TNFRSF19: variants seen among roughly 807,000 people sequenced by gnomAD.
TNFRSF19 encodes the protein TNF receptor superfamily member 19.
Under a neutral mutation model 46.4 loss-of-function variants are expected in TNFRSF19, and 27 were observed. The ratio of observed to expected loss-of-function variants is 0.58; its 90% confidence interval spans 0.43 to 0.80. The LOEUF is 0.80. Among genes scored for constraint, TNFRSF19 ranks in the 30% least tolerant of loss-of-function variants. The pLI, the probability that TNFRSF19 is intolerant of heterozygous loss-of-function variation, is 0.00. For missense variants in TNFRSF19, 511 were observed against 530.8 expected, an observed-to-expected ratio of 0.96 and a Z score of 0.37; for synonymous variants, 204 against 205.0, an observed-to-expected ratio of 1.00 and a Z score of 0.04.
chr13:23,656,069 C>T (rs749607567), intron 5 of TNFRSF19, among the ~76,000 whole-genome samples: 4 of 152,160 alleles, frequency 2.6e-5, no homozygotes, highest in Non-Finnish European at 4.4e-5. Context: ...CATGAGCACT[C>T]TCTGAGGGTG....
intron 1 of TNFRSF19, among the ~76,000 whole-genome samples, chr13:23,578,870 C>T (rs1471607251): frequency 6.6e-6 from 1 of 152,340 alleles, no homozygotes; most frequent in Middle Eastern, 3.4e-3. Context: ...CTGCAGGAGG[C>T]GAACTCGGGC....
chr13:23,616,076 T>A (rs1881266666), intron 4 of TNFRSF19, 31 bp downstream of exon 4: 1 of 1,556,736 alleles, frequency 6.4e-7, no homozygotes. Flanking sequence ...CACTTGTAAT[T>A]ATTTAATTAA....
chr13:23,624,476 G>A (rs936688160), intron 4 of TNFRSF19, among the ~76,000 whole-genome samples: 61 of 151,772 alleles, frequency 4.0e-4, no homozygotes, highest in African/African-American at 1.5e-3. Flanking sequence ...ATGTATCTGG[G>A]CATTTGAGAT....
At chr13:23,669,231 G>A in intron 9 of TNFRSF19, 134 bp downstream of exon 9, 2 of 1,417,284 alleles carry the variant, frequency 1.4e-6, no homozygotes, top group Non-Finnish European at 1.8e-6. Flanking sequence ...GTATGTTGTA[G>A]AGTATGTTTT....
rs201927877 is a variant in TNFRSF19 at position 23,660,336 on chromosome 13, C to G, written c.611-29C>G. The G allele has an allele frequency of 5.6e-6, 9 of 1,603,938 alleles. No individual in the cohort carries two copies. The East Asian group carries it at 1.8e-4, about 32-fold the overall frequency. On this transcript the variant is annotated intron_variant, in intron 6 of 9. Transcript: ENST00000248484. ...GGTCCACTAGAGAGGAGACTGTGTTCCCTGACAGAGTTCTCACCCCTCATT... is the reference window on the plus strand; with the variant it reads ...GGTCCACTAGAGAGGAGACTGTGTTGCCTGACAGAGTTCTCACCCCTCATT...
At chr13:23,587,955 A>G (rs1566165921) in intron 1 of TNFRSF19, among the ~76,000 whole-genome samples, 1 of 152,214 alleles carries the variant, frequency 6.6e-6, no homozygotes, top group African/African-American at 2.4e-5. Flanking sequence ...GCGGCTGCCT[A>G]GATGCCTCCT....
chr13:23,626,829 C>G, intron 5 of TNFRSF19, 37 bp downstream of exon 5: 1 of 1,595,164 alleles, frequency 6.3e-7, no homozygotes, highest in East Asian at 2.2e-5. Flanking sequence ...CAAGGGGACG[C>G]CTGGCCTTTT....
At chr13:23,581,363 G>T (rs938814793) in intron 1 of TNFRSF19, among the ~76,000 whole-genome samples, 5 of 151,842 alleles carry the variant, frequency 3.3e-5, no homozygotes, top group African/African-American at 1.2e-4. Context: ...AGCCAGGATG[G>T]TCTCAATCTC....
chr13:23,576,226 C>T lies in TNFRSF19; in HGVS notation c.-35+5378C>T, dbSNP rs553168855. 5.3e-5 allele frequency among the ~76,000 whole-genome samples: 8 copies of T among 151,956 alleles called. No individual in the cohort carries two copies. In the South Asian group the frequency reaches 8.3e-4, roughly 16 times the overall value. On this transcript the variant is annotated intron_variant, in intron 1 of 9. Transcript: ENST00000248484. Reference sequence around the variant, plus strand: ...TTGGCTCACTGCAACCTCTGCCTCCCGGGTTCAAATAATTCTCCTGCCTCA... The same window carrying T: ...TTGGCTCACTGCAACCTCTGCCTCCTGGGTTCAAATAATTCTCCTGCCTCA...
intron 4 of TNFRSF19, among the ~76,000 whole-genome samples, chr13:23,616,789 G>A (rs1359528658): frequency 6.6e-6 from 1 of 152,058 alleles, no homozygotes; most frequent in African/African-American, 2.4e-5. Flanking sequence ...TCTCCATGTT[G>A]GTTGGTCTCA....
chr13:23,599,367 C>CA (rs1566175313), intron 3 of TNFRSF19, among the ~76,000 whole-genome samples: 1 of 152,060 alleles, frequency 6.6e-6, no homozygotes, highest in Non-Finnish European at 1.5e-5. Flanking sequence ...TATTCTGAGC[C>CA]AAAAATGTGT....
intron 1 of TNFRSF19, among the ~76,000 whole-genome samples, chr13:23,574,529 G>C (rs1263639548): frequency 6.6e-6 from 1 of 151,876 alleles, no homozygotes; most frequent in South Asian, 2.1e-4. Context: ...TTTCTGTCAG[G>C]ATGGCCATAA....
At chr13:23,651,893 T>TA (rs34023907) in intron 5 of TNFRSF19, among the ~76,000 whole-genome samples, 3,052 of 9,944 alleles carry the variant, frequency 0.31, 549 homozygotes, top group Non-Finnish European at 0.34. Context: ...CATAACATGC[T>TA]AAAAAAAAAA....
rs763199678 is a variant in TNFRSF19 at position 23,668,031 on chromosome 13, A to T, written c.788A>T (p.Asn263Ile). 8 of 1,610,394 alleles carry T rather than the reference A, an allele frequency of 5.0e-6. No homozygotes were observed. The East Asian group carries it at 1.8e-4, about 36-fold the overall frequency. The change falls in exon 8 of 10, where the codon AAC becomes ATC. Residue 263 changes from asparagine (N) to isoleucine (I), a missense_variant. Transcript: ENST00000248484. ...SMCCEEACSP[N>I]PATLGCGVHS... Reference sequence around the variant, plus strand: ...TGCTGTGAGGAGGCCTGCAGCCCCAACCCGGCGACTCTTGGTTGTGGGGTG... The same window carrying T: ...TGCTGTGAGGAGGCCTGCAGCCCCATCCCGGCGACTCTTGGTTGTGGGGTG...
At chr13:23,596,978 C>T (rs995523820) in intron 3 of TNFRSF19, among the ~76,000 whole-genome samples, 4 of 152,182 alleles carry the variant, frequency 2.6e-5, no homozygotes, top group African/African-American at 4.8e-5. Context: ...GGAAACTGAA[C>T]AACCTCCTGA....
intron 1 of TNFRSF19, among the ~76,000 whole-genome samples, chr13:23,581,871 C>T (rs1462831165): frequency 6.6e-6 from 1 of 152,106 alleles, no homozygotes; most frequent in Non-Finnish European, 1.5e-5. Context: ...AGCCAAAGCC[C>T]TTTTAAAACT....
At position 23,673,576 on chromosome 13, in the gene TNFRSF19, A is replaced by G; in HGVS notation, c.*196A>G. 1.6e-6 allele frequency: 2 copies of G among 1,257,054 alleles called. No individual in the cohort carries two copies. Among genetic ancestry groups the G allele is most frequent in the Non-Finnish European group, 2.0e-6 (2 of 996,200 alleles). 77.9% of individuals were successfully genotyped at this position (1,257,054 alleles called of 1,614,324 possible). ...CAGCTGTAAGCTGAAACCTCAATGA[A>G]TAACAAGAAAAGACTCCAGGCCGAC... On this transcript the variant is annotated 3_prime_UTR_variant, in exon 10 of 10. Transcript: ENST00000248484.
In TNFRSF19 at chr13:23,613,043, A is replaced by G. The variant is rs141785719; in HGVS notation, c.181-2824A>G. ...TGTTCCACTAAACTTGTTTTAATTAAGAAAATTATGATTTCTTTTTGAAAG... is the reference window on the plus strand; with the variant it reads ...TGTTCCACTAAACTTGTTTTAATTAGGAAAATTATGATTTCTTTTTGAAAG... On this transcript the variant is annotated intron_variant, in intron 3 of 9. Coordinates refer to ENST00000248484, the MANE Select transcript of TNFRSF19 (RefSeq NM_148957.4). Among the ~76,000 whole-genome samples, 407 of 152,352 alleles carry G rather than the reference A, an allele frequency of 2.7e-3. 1 individual carries two copies. Among genetic ancestry groups the G allele is most frequent in the African/African-American group, 9.4e-3 (389 of 41,590 alleles).
At chr13:23,655,177 A>G (rs868673314) in intron 5 of TNFRSF19, among the ~76,000 whole-genome samples, 10 of 152,184 alleles carry the variant, frequency 6.6e-5, no homozygotes, top group Middle Eastern at 3.4e-3. Context: ...TTCTATTCAG[A>G]TTTTCCTCAA....
Sources: allele counts gnomAD v4.1 joint callset (sites outside exome capture counted in the v4.1 genomes callset), GRCh38; gene constraint gnomAD v4.1.1; transcripts MANE v1.5; gene names NCBI Gene and HGNC (gene_info 2026-07-23, HGNC 2026-07-21).